Variants in PSEN1 observed in about 807,000 individuals in gnomAD.
PSEN1 encodes presenilin-1.
In PSEN1, 15 loss-of-function variants were observed where a neutral mutation model predicts 53.5. That is an observed-to-expected ratio of 0.28 (90% CI 0.19 to 0.43). PSEN1 has a LOEUF of 0.43. Among genes scored for constraint, PSEN1 ranks in the 20% least tolerant of loss-of-function variants. The probability of loss-of-function intolerance (pLI) is 1.00; values close to 1 mark genes in which losing one functional copy is unlikely to be tolerated. For synonymous variants in PSEN1, 208 were observed against 209.8 expected, an observed-to-expected ratio of 0.99 and a Z score of 0.08; for missense variants, 387 against 571.2, an observed-to-expected ratio of 0.68 and a Z score of 3.29.
intron 3 of PSEN1, among the ~76,000 whole-genome samples, chr14:73,162,072 G>A (rs1897561568): frequency 6.6e-6 from 1 of 150,572 alleles, no homozygotes; most frequent in Admixed American, 6.6e-5. Context: ...CCAGCTACTC[G>A]GGAGACTGAG....
At chr14:73,170,321 T>C (rs1012846925) in intron 3 of PSEN1, among the ~76,000 whole-genome samples, 8 of 152,234 alleles carry the variant, frequency 5.3e-5, no homozygotes, top group African/African-American at 1.9e-4. Flanking sequence ...CAGTAGGTCT[T>C]GGCCTTATTT....
intron 3 of PSEN1, among the ~76,000 whole-genome samples, chr14:73,163,181 T>A (rs1390763920): frequency 6.6e-6 from 1 of 152,236 alleles, no homozygotes; most frequent in Non-Finnish European, 1.5e-5. Flanking sequence ...TTGATTGAAC[T>A]TTATTTAGTA....
At position 73,223,505 on chromosome 14, in the gene PSEN1, G is replaced by C. The variant is rs970346746; in HGVS notation, c.*4216G>C. The C allele has an allele frequency of 1.3e-5, 2 of 152,268 alleles. No homozygotes were observed. The highest frequency in any genetic ancestry group is 4.8e-5 in the African/African-American group (2 of 41,472). 9.4% of individuals were successfully genotyped at this position (152,268 alleles called of 1,614,324 possible). Reference sequence around the variant, plus strand: ...TGGAGGTGCTGGGGTGAGGGTTTCAGTGGGATCATTTACTCTCACATGTTG... The same window carrying C: ...TGGAGGTGCTGGGGTGAGGGTTTCACTGGGATCATTTACTCTCACATGTTG... On this transcript the variant is annotated 3_prime_UTR_variant, in exon 12 of 12. Transcript: ENST00000324501.
intron 1 of PSEN1, chr14:73,137,341 TCAGTTTAGAACATGG>T (rs1896776343): frequency 6.6e-6 from 1 of 152,322 alleles, no homozygotes. Context: ...TAGGAGGTTT[TCAGTTTAGAACATGG>T]CAGAGACATT....
chr14:73,137,185 G>A (rs1896771432), intron 1 of PSEN1: 1 of 152,382 alleles, frequency 6.6e-6, no homozygotes, highest in African/African-American at 2.4e-5. Flanking sequence ...TGGAGGCTGG[G>A]ATGGGTGAGA....
At chr14:73,217,833 A>G (rs7147079) in intron 11 of PSEN1, among the ~76,000 whole-genome samples, 16,252 of 138,796 alleles carry the variant, frequency 0.12, 1,054 homozygotes, top group African/African-American at 0.2. Context: ...AGTCTCTGTC[A>G]CCCAGGCTGG....
chr14:73,160,803 CTT>C (rs34048372), intron 3 of PSEN1, among the ~76,000 whole-genome samples: 1 of 84,730 alleles, frequency 1.2e-5, no homozygotes, highest in Non-Finnish European at 2.1e-5. Flanking sequence ...AATTGTAGGA[CTT>C]TTTTTTTTTT....
At chr14:73,154,554 T>TC (rs1897307308) in intron 3 of PSEN1, among the ~76,000 whole-genome samples, 1 of 152,036 alleles carries the variant, frequency 6.6e-6, no homozygotes, top group Non-Finnish European at 1.5e-5. Flanking sequence ...TGAGCTGTAA[T>TC]CATGCCACTG....
intron 8 of PSEN1, among the ~76,000 whole-genome samples, chr14:73,202,032 C>T (rs1899208889): frequency 2.6e-5 from 4 of 151,930 alleles, no homozygotes; most frequent in Admixed American, 2.6e-4. Flanking sequence ...CAGACGTGAG[C>T]CACTGCACCC....
At chr14:73,204,312 T>A (rs1032490475) in intron 8 of PSEN1, among the ~76,000 whole-genome samples, 2 of 151,510 alleles carry the variant, frequency 1.3e-5, no homozygotes, top group African/African-American at 4.9e-5. Flanking sequence ...TTTTTTTTTT[T>A]AATTTAAACG....
At chr14:73,216,155 C>G (rs191511359) in intron 10 of PSEN1, among the ~76,000 whole-genome samples, 8 of 152,120 alleles carry the variant, frequency 5.3e-5, no homozygotes. Context: ...ATGGTTAAAC[C>G]TCAAAAACAT....
chr14:73,164,538 A>G (rs1466717404), intron 3 of PSEN1, among the ~76,000 whole-genome samples: 4 of 152,176 alleles, frequency 2.6e-5, no homozygotes, highest in Non-Finnish European at 4.4e-5. Context: ...ATTTACAACA[A>G]CCCTATCAGG....
At chr14:73,206,883 A>C (rs140372057) in intron 9 of PSEN1, among the ~76,000 whole-genome samples, 1 of 152,360 alleles carries the variant, frequency 6.6e-6, no homozygotes, top group Non-Finnish European at 1.5e-5. Context: ...TAAACAAAAA[A>C]AGCAAAATAT....
chr14:73,192,519 G>A lies in PSEN1; in HGVS notation c.549-125G>A, dbSNP rs912024982. The A allele has an allele frequency of 4.6e-5, 34 of 735,458 alleles. No individual in the cohort carries two copies. The African/African-American group carries it at 5.6e-4, about 12-fold the overall frequency. 45.6% of individuals were successfully genotyped at this position (735,458 alleles called of 1,614,324 possible). ...AATAAATAATAGCACAGTTGATATAGGTTATGGTAAAATTATAAAGGTGGG... is the reference window on the plus strand; with the variant it reads ...AATAAATAATAGCACAGTTGATATAAGTTATGGTAAAATTATAAAGGTGGG... On this transcript the variant is annotated intron_variant, in intron 6 of 11. Transcript: ENST00000324501.
chr14:73,142,757 G>A (rs1228002324), intron 1 of PSEN1, among the ~76,000 whole-genome samples: 1 of 152,190 alleles, frequency 6.6e-6, no homozygotes, highest in African/African-American at 2.4e-5. Flanking sequence ...ATTATTTGTA[G>A]TTCTCCTGGG....
intron 3 of PSEN1, among the ~76,000 whole-genome samples, chr14:73,158,715 G>A (rs1169809843): frequency 6.6e-6 from 1 of 152,120 alleles, no homozygotes; most frequent in Non-Finnish European, 1.5e-5. Flanking sequence ...TCCCGCCTTG[G>A]CTTCCCAAAG....
intron 1 of PSEN1, among the ~76,000 whole-genome samples, chr14:73,140,454 C>A (rs1377051169): frequency 6.6e-6 from 1 of 151,984 alleles, no homozygotes; most frequent in Non-Finnish European, 1.5e-5. Flanking sequence ...CGTGATCCAC[C>A]CGCCTCAGCC....
chr14:73,151,066 TA>T (rs879285376), intron 3 of PSEN1, among the ~76,000 whole-genome samples: 39 of 141,978 alleles, frequency 2.7e-4, no homozygotes, highest in Admixed American at 2.8e-4. Flanking sequence ...AGACTCCATC[TA>T]AAAAAAAAAA....
rs148213656 is a variant in PSEN1 at position 73,185,659 on chromosome 14, A to G, written c.481-1194A>G. Among the ~76,000 whole-genome samples the G allele has an allele frequency of 5.9e-3, 903 of 152,242 alleles. 12 individuals are homozygous for G. The highest frequency in any genetic ancestry group is 0.021 in the African/African-American group (856 of 41,544). On this transcript the variant is annotated intron_variant, in intron 5 of 11. Transcript: ENST00000324501. ...GAGAGCGCTTAAAACAATTTTTAAG[A>G]TGTATTTCTTTTCTCATAGTTCCAG... is the stretch of plus-strand genomic sequence containing the variant.
Sources: allele counts gnomAD v4.1 joint callset (sites outside exome capture counted in the v4.1 genomes callset), GRCh38; gene constraint gnomAD v4.1.1; transcripts MANE v1.5; gene names NCBI Gene and HGNC (gene_info 2026-07-23, HGNC 2026-07-21).